The following ZNF519 variants were observed in gnomAD, a reference collection of about 807,000 sequenced individuals.
ZNF519 encodes the protein zinc finger protein 519.
ZNF519 carries 7 observed loss-of-function variants against 7.4 expected under a neutral mutation model. That is an observed-to-expected ratio of 0.94 (90% CI 0.54 to 1.77). The LOEUF (loss-of-function observed/expected upper bound fraction) is 1.77. Ranked by LOEUF, ZNF519 falls within the 40% of genes most tolerant of loss-of-function variation. The pLI, the probability that ZNF519 is intolerant of heterozygous loss-of-function variation, is 0.00. For synonymous variants in ZNF519, 179 were observed against 203.3 expected (o/e 0.88, Z 1.02); for missense variants, 586 against 623.1 (o/e 0.94, Z 0.63).
Position 14,102,626 on chromosome 18 carries a change from G to A in ZNF519, c.*2291C>T, listed in dbSNP as rs1172333649. ...TTTAAACTATCAAAGGAAATGGTAAGGATACAAAATGTAGAGTACTTTTTA... is the reference window on the plus strand; with the variant it reads ...TTTAAACTATCAAAGGAAATGGTAAAGATACAAAATGTAGAGTACTTTTTA... On this transcript the variant is annotated 3_prime_UTR_variant, in exon 3 of 3. Coordinates refer to ENST00000590202, the MANE Select transcript of ZNF519 (RefSeq NM_145287.4). 1 of 152,064 alleles carries A rather than the reference G, an allele frequency of 6.6e-6. No individual in the cohort carries two copies. Among genetic ancestry groups the A allele is most frequent in the Non-Finnish European group, 1.5e-5 (1 of 68,016 alleles). 9.4% of individuals were successfully genotyped at this position (152,064 alleles called of 1,614,324 possible).
In ZNF519 at chr18:14,105,806, A is replaced by G. The variant is rs778440765; in HGVS notation, c.734T>C (p.Ile245Thr). Residue 245 changes from isoleucine (I) to threonine (T), a missense_variant, in exon 3 of 3, where the codon ATA becomes ACA. Coordinates refer to ENST00000590202, the MANE Select transcript of ZNF519 (RefSeq NM_145287.4). ...CTTTAGATGTGATTGACTAAAGACT[A>G]TTATACATTTTTTATTACATCTTTG... is the stretch of plus-strand genomic sequence containing the variant. ...SSQRCNKKCI[I>T]VFSQSHLKGH... The G allele has an allele frequency of 6.2e-7, 1 of 1,603,890 alleles. No homozygotes were observed. Among genetic ancestry groups the G allele is most frequent in the Admixed American group, 1.7e-5 (1 of 57,352 alleles).
At chr18:14,126,328 G>C (rs947928152) in intron 1 of ZNF519, among the ~76,000 whole-genome samples, 1 of 152,144 alleles carries the variant, frequency 6.6e-6, no homozygotes, top group South Asian at 2.1e-4. Flanking sequence ...TGTAACATAC[G>C]ATAAGAAGGA....
downstream of ZNF519, among the ~76,000 whole-genome samples, chr18:14,097,025 C>T (rs899325138): frequency 6.6e-6 from 1 of 152,156 alleles, no homozygotes; most frequent in African/African-American, 2.4e-5. Flanking sequence ...TGATGTTGCT[C>T]TGCTGTGTAA....
intron 2 of ZNF519, among the ~76,000 whole-genome samples, chr18:14,109,833 C>T (rs1000339823): frequency 2.0e-5 from 3 of 151,842 alleles, no homozygotes; most frequent in Admixed American, 1.3e-4. Context: ...AAAAACAATC[C>T]TAAAATTAAT....
chr18:14,095,644 C>T (rs554229147), downstream of ZNF519, among the ~76,000 whole-genome samples: 5 of 152,360 alleles, frequency 3.3e-5, no homozygotes, highest in African/African-American at 1.2e-4. Flanking sequence ...GCAGCAGTTC[C>T]AGCAGCTCTA....
Position 14,124,479 on chromosome 18 carries a change from G to A in ZNF519, c.4-3C>T, listed in dbSNP as rs999621650. On this transcript the variant is annotated splice_region_variant and splice_polypyrimidine_tract_variant and intron_variant, in intron 1 of 2. Coordinates refer to ENST00000590202, the MANE Select transcript of ZNF519 (RefSeq NM_145287.4). ...ACATCCCTGAATGTTAAGAGTTCCT[G>A]GAAACACATATATCAAGTGACAGAG... 75 of 1,608,226 alleles carry A rather than the reference G, an allele frequency of 4.7e-5. No homozygotes were observed. Among genetic ancestry groups the A allele is most frequent in the Non-Finnish European group, 6.2e-5 (73 of 1,178,730 alleles).
chr18:14,086,867 A>T (rs952385213), intron 2 of ZNF519, among the ~76,000 whole-genome samples: 10 of 152,140 alleles, frequency 6.6e-5, no homozygotes, highest in African/African-American at 2.4e-4. Flanking sequence ...AATCAAACAG[A>T]AAAAAGAATC....
At chr18:14,084,526 C>T (rs759207262) in intron 3 of ZNF519, among the ~76,000 whole-genome samples, 5 of 152,110 alleles carry the variant, frequency 3.3e-5, no homozygotes, top group East Asian at 1.9e-4. Context: ...GGGGATGTGG[C>T]GGGACTGACC....
chr18:14,072,119 C>T (rs1375472920), downstream of ZNF519: 1 of 152,164 alleles, frequency 6.6e-6, no homozygotes, highest in Non-Finnish European at 1.5e-5. Flanking sequence ...GACTAAATAT[C>T]TTATGTGGTT....
chr18:14,091,745 C>T (rs1388415854), intron 2 of ZNF519, among the ~76,000 whole-genome samples: 1 of 151,934 alleles, frequency 6.6e-6, no homozygotes, highest in African/African-American at 2.4e-5. Context: ...GAGGCAGTGA[C>T]ACATGGGAGG....
chr18:14,088,182 C>CT (rs1242123737), intron 2 of ZNF519, among the ~76,000 whole-genome samples: 1 of 152,164 alleles, frequency 6.6e-6, no homozygotes, highest in African/African-American at 2.4e-5. Flanking sequence ...GCTTAGGATG[C>CT]TTGTTTGCCT....
chr18:14,077,927 G>A (rs983693126), intron 4 of ZNF519, among the ~76,000 whole-genome samples: 3 of 152,274 alleles, frequency 2.0e-5, no homozygotes, highest in Non-Finnish European at 4.4e-5. Context: ...ATAGGCAGTC[G>A]TCCCCAACCT....
At position 14,105,773 on chromosome 18, in the gene ZNF519, T is replaced by C. The variant is rs2046187161; in HGVS notation, c.767A>G (p.Lys256Arg). Residue 256 changes from lysine (K) to arginine (R), a missense_variant, in exon 3 of 3, where the codon AAG becomes AGG. Physicochemically the swap from Lys to Arg is conservative, Grantham distance 26. Transcript: ENST00000590202. Reference protein sequence around the residue: ...VFSQSHLKGHKIINTGEKSVK... With the variant: ...VFSQSHLKGHRIINTGEKSVK... ...TGATTTTTCTCCAGTGTTAATTATCTTATGTCCCTTTAGATGTGATTGACT... is the reference window on the plus strand; with the variant it reads ...TGATTTTTCTCCAGTGTTAATTATCCTATGTCCCTTTAGATGTGATTGACT... 6.2e-7 allele frequency: 1 copy of C among 1,613,438 alleles called. No individual in the cohort carries two copies. Among genetic ancestry groups the C allele is most frequent in the African/African-American group, 1.3e-5 (1 of 74,840 alleles).
rs2046189380 is a variant in ZNF519 at position 14,106,037 on chromosome 18, A to T, written c.503T>A (p.Ile168Asn). 6.3e-7 allele frequency: 1 copy of T among 1,584,242 alleles called. No homozygotes were observed. Among genetic ancestry groups the T allele is most frequent in the Admixed American group, 1.8e-5 (1 of 55,390 alleles). ...NQINFNHDSN[I>N]SKHHSTHFLE... ...AAAATGAGTACTATGATGTTTACTA[A>T]TATTTGAGTCATGGTTAAAATTTAT... Residue 168 changes from isoleucine (I) to asparagine (N), a missense_variant, in exon 3 of 3, where the codon ATT becomes AAT. Ile to Asn is a moderately radical substitution (Grantham distance 149). Coordinates refer to ENST00000590202, the MANE Select transcript of ZNF519 (RefSeq NM_145287.4).
intron 2 of ZNF519, 120 bp downstream of exon 2, chr18:14,124,230 C>G (rs1394132537): frequency 6.3e-5 from 54 of 861,016 alleles, no homozygotes; most frequent in Non-Finnish European, 7.8e-5. Context: ...CCCATTTTTT[C>G]TTGAAGAAAA....
intron 2 of ZNF519, among the ~76,000 whole-genome samples, chr18:14,091,671 C>T (rs1487064564): frequency 6.6e-6 from 1 of 151,964 alleles, no homozygotes; most frequent in East Asian, 1.9e-4. Context: ...TAAATAAAGG[C>T]ATAAATGGAC....
rs1163778276 is a variant in ZNF519 at position 14,101,791 on chromosome 18, CA to C, written c.*3125del. On this transcript the variant is annotated 3_prime_UTR_variant, in exon 3 of 3. Transcript: ENST00000590202. The stretch of plus-strand genomic sequence containing the variant: ...GTGGAGCTCTGCAAAGACAAACCAG[CA>C]GTTAATCTTGCACGCAACAGAGCCC... 2 of 398,430 alleles carry C rather than the reference CA, an allele frequency of 5.0e-6. No individual in the cohort carries two copies. The highest frequency in any genetic ancestry group is 7.1e-5 in the East Asian group (2 of 28,074). 24.7% of individuals were successfully genotyped at this position (398,430 alleles called of 1,614,324 possible). A position where few individuals can be genotyped will look rare whatever the true frequency, so the allele number is the denominator to read the frequency against.
At chr18:14,126,367 GA>G (rs2046299519) in intron 1 of ZNF519, among the ~76,000 whole-genome samples, 1 of 152,128 alleles carries the variant, frequency 6.6e-6, no homozygotes, top group South Asian at 2.1e-4. Flanking sequence ...CGTTTTCCTA[GA>G]GCAATTATAT....
At chr18:14,129,169 G>C (rs991235759) in intron 1 of ZNF519, among the ~76,000 whole-genome samples, 1 of 152,294 alleles carries the variant, frequency 6.6e-6, no homozygotes, top group Admixed American at 6.5e-5. Flanking sequence ...AAGAGATTAT[G>C]ATCAGGTAGT....
Sources: gnomAD v4.1 joint callset for allele counts (sites outside exome capture counted in the v4.1 genomes callset) on GRCh38, gnomAD v4.1.1 for gene constraint, MANE v1.5 for transcripts, NCBI Gene and HGNC (gene_info 2026-07-23, HGNC 2026-07-21) for gene names.